The following LOC400499 variants were observed in gnomAD, a reference collection of about 807,000 sequenced individuals.
the LOC400499 span, chr16:11,443,557 G>A: frequency 3.1e-6 from 1 of 317,782 alleles, no homozygotes; most frequent in Non-Finnish European, 6.1e-6. Flanking sequence ...AATGCTTGCT[G>A]AAAAATACGA....
chr16:11,427,952 G>A, the LOC400499 span, among the ~76,000 whole-genome samples: 2 of 152,228 alleles, frequency 1.3e-5, no homozygotes, highest in South Asian at 4.1e-4. Flanking sequence ...TACAGGAAAG[G>A]GGTCCGGATC....
chr16:11,436,186 A>T, the LOC400499 span, among the ~76,000 whole-genome samples: 1 of 152,164 alleles, frequency 6.6e-6, no homozygotes, highest in African/African-American at 2.4e-5. Context: ...ATGCCACCTG[A>T]GTCTGCCTAG....
the LOC400499 span, among the ~76,000 whole-genome samples, chr16:11,492,087 C>T: frequency 6.6e-6 from 1 of 152,182 alleles, no homozygotes; most frequent in Non-Finnish European, 1.5e-5. Flanking sequence ...ATCAATTCCC[C>T]AACAAATGGG....
the LOC400499 span, chr16:11,381,038 A>AGAAC: frequency 6.5e-6 from 1 of 152,758 alleles, no homozygotes; most frequent in East Asian, 1.9e-4. Flanking sequence ...TTTTGGTACT[A>AGAAC]GAACGGTGCT....
chr16:11,467,555 T>A, the LOC400499 span, among the ~76,000 whole-genome samples: 1 of 152,046 alleles, frequency 6.6e-6, no homozygotes, highest in Non-Finnish European at 1.5e-5. Context: ...AAGGCTGCAG[T>A]GAGCCATGTT....
the LOC400499 span, among the ~76,000 whole-genome samples, chr16:11,481,824 AG>A: frequency 6.6e-6 from 1 of 151,778 alleles, no homozygotes; most frequent in Non-Finnish European, 1.5e-5. Context: ...TAGTAGAGAC[AG>A]GGTATCACTA....
chr16:11,395,598 C>T, the LOC400499 span, among the ~76,000 whole-genome samples: 399 of 152,300 alleles, frequency 2.6e-3, 2 homozygotes, highest in African/African-American at 9.0e-3. Flanking sequence ...GCTCGGATGC[C>T]GGGAAGGGAG....
chr16:11,384,326 C>T, the LOC400499 span: 13 of 1,230,944 alleles, frequency 1.1e-5, no homozygotes, highest in African/African-American at 1.1e-4. Flanking sequence ...GCGGATATGC[C>T]TGTGGGGAAG....
the LOC400499 span, among the ~76,000 whole-genome samples, chr16:11,397,606 A>C: frequency 8.5e-5 from 13 of 152,080 alleles, no homozygotes; most frequent in Admixed American, 8.5e-4. Context: ...AGCCGTAAGG[A>C]TTCATTTACA....
At chr16:11,383,588 C>G in the LOC400499 span, 783,475 of 1,231,210 alleles carry the variant, frequency 0.64, 252,827 homozygotes, top group African/African-American at 0.72. Flanking sequence ...TTCCCTCTGG[C>G]CTGGAAGGCA....
At chr16:11,515,865 A>ACCCCCCCCCCCCCCCCCCCCCCCCC in the LOC400499 span, 3 of 14,278 alleles carry the variant, frequency 2.1e-4, no homozygotes, top group Non-Finnish European at 3.3e-4. Flanking sequence ...AGCCCAGCCC[A>ACCCCCCCCCCCCCCCCCCCCCCCCC]GCCCAGCCCA....
At chr16:11,393,933 G>T in the LOC400499 span, among the ~76,000 whole-genome samples, 1 of 152,220 alleles carries the variant, frequency 6.6e-6, no homozygotes, top group Admixed American at 6.5e-5. Flanking sequence ...ACAAAACTTA[G>T]CCAGTCTCAT....
chr16:11,382,134 C>T, the LOC400499 span, among the ~76,000 whole-genome samples: 213 of 151,616 alleles, frequency 1.4e-3, no homozygotes, highest in Middle Eastern at 3.4e-3. Flanking sequence ...ACAGGGGTTT[C>T]GCCATGTTGG....
At chr16:11,459,494 C>T in the LOC400499 span, among the ~76,000 whole-genome samples, 2 of 152,124 alleles carry the variant, frequency 1.3e-5, no homozygotes, top group Admixed American at 1.3e-4. Context: ...CTGCGCCCGG[C>T]CCCTAAACAA....
chr16:11,439,374 C>A, the LOC400499 span: 6 of 396,836 alleles, frequency 1.5e-5, no homozygotes, highest in East Asian at 2.1e-4. Flanking sequence ...GTGTGGGCTC[C>A]CTCCCTCGGG....
At chr16:11,420,862 G>A in the LOC400499 span, among the ~76,000 whole-genome samples, 11 of 152,276 alleles carry the variant, frequency 7.2e-5, no homozygotes, top group East Asian at 1.9e-3. Flanking sequence ...CTGTGTACTG[G>A]GTGTGCGGGA....
chr16:11,397,703 C>G, the LOC400499 span, among the ~76,000 whole-genome samples: 1 of 141,132 alleles, frequency 7.1e-6, no homozygotes, highest in Non-Finnish European at 1.5e-5. Flanking sequence ...AAAATATATG[C>G]TATCTGTCTC....
At chr16:11,384,413 A>G in the LOC400499 span, 1 of 698,864 alleles carries the variant, frequency 1.4e-6, no homozygotes, top group African/African-American at 1.9e-5. Context: ...CCTGTGTGTG[A>G]GATGAGCCTG....
the LOC400499 span, chr16:11,457,079 T>C: frequency 1.0e-5 from 15 of 1,481,996 alleles, no homozygotes; most frequent in Non-Finnish European, 1.3e-5. Context: ...AATGGGATCA[T>C]GCCACCCCTG....
Sources: gnomAD v4.1 joint callset for allele counts (sites outside exome capture counted in the v4.1 genomes callset) on GRCh38, gnomAD v4.1.1 for gene constraint, MANE v1.5 for transcripts.